EPB41L3: variants seen among roughly 807,000 people sequenced by gnomAD.
EPB41L3 encodes band 4.1-like protein 3.
EPB41L3 carries 57 observed loss-of-function variants against 127.1 expected under a neutral mutation model. The ratio of observed to expected loss-of-function variants is 0.45; its 90% CI spans 0.36 to 0.56. The LOEUF is 0.56. EPB41L3 is among the 20% of genes least tolerant of loss of function. The probability of loss-of-function intolerance (pLI) is 0.00; values close to 1 mark genes in which losing one functional copy is unlikely to be tolerated. For missense variants in EPB41L3, 1,273 were observed against 1,372.2 expected (o/e 0.93, Z 1.14); for synonymous variants, 572 against 549.5 (o/e 1.04, Z -0.57).
At chr18:5,570,767 G>A (rs778518150) in intron 3 of EPB41L3, 3 of 151,972 alleles carry the variant, frequency 2.0e-5, no homozygotes, top group Non-Finnish European at 4.4e-5. Flanking sequence ...CCATTCTTAT[G>A]TTGGGAACTT....
At chr18:5,538,917 A>C (rs1318829865) in intron 1 of EPB41L3, among the ~76,000 whole-genome samples, 1 of 152,196 alleles carries the variant, frequency 6.6e-6, no homozygotes, top group Non-Finnish European at 1.5e-5. Flanking sequence ...CACGCCATTA[A>C]AAATAATGAC....
At chr18:5,552,717 GT>G (rs1226391550) in intron 3 of EPB41L3, among the ~76,000 whole-genome samples, 1 of 149,364 alleles carries the variant, frequency 6.7e-6, no homozygotes. Flanking sequence ...TATTGTTCCA[GT>G]TAAATAACTT....
At chr18:5,573,782 A>G (rs2094308012) in intron 3 of EPB41L3, among the ~76,000 whole-genome samples, 1 of 152,194 alleles carries the variant, frequency 6.6e-6, no homozygotes, top group Non-Finnish European at 1.5e-5. Context: ...GCTTACACAA[A>G]TAAGAAAAAA....
chr18:5,544,959 T>A (rs1198535323), upstream of EPB41L3, among the ~76,000 whole-genome samples: 2 of 152,326 alleles, frequency 1.3e-5, no homozygotes, highest in South Asian at 2.1e-4. Context: ...TAAATTTTTT[T>A]AATTTTTAAA....
intron 16 of EPB41L3, among the ~76,000 whole-genome samples, chr18:5,405,803 C>CA (rs1337500892): frequency 3.3e-4 from 31 of 93,178 alleles, no homozygotes; most frequent in African/African-American, 1.2e-3. Context: ...CAAACAAAAA[C>CA]AAAAAAAACT....
At chr18:5,585,014 T>A (rs1178467587) in intron 3 of EPB41L3, among the ~76,000 whole-genome samples, 1 of 152,086 alleles carries the variant, frequency 6.6e-6, no homozygotes, top group Non-Finnish European at 1.5e-5. Flanking sequence ...AAAATTAACA[T>A]AATGATCTTT....
chr18:5,427,960 T>C (rs2078447520), intron 9 of EPB41L3, among the ~76,000 whole-genome samples: 1 of 152,168 alleles, frequency 6.6e-6, no homozygotes. Context: ...TTAGCCAGGA[T>C]GGTCTCGATC....
chr18:5,472,184 G>C (rs2086268382), intron 3 of EPB41L3, among the ~76,000 whole-genome samples: 1 of 152,140 alleles, frequency 6.6e-6, no homozygotes, highest in South Asian at 2.1e-4. Flanking sequence ...TAAACAGTCT[G>C]TTTTAATGAA....
chr18:5,625,905 T>C (rs999203477), intron 1 of EPB41L3, among the ~76,000 whole-genome samples: 4 of 151,952 alleles, frequency 2.6e-5, no homozygotes, highest in African/African-American at 4.8e-5. Context: ...GCTTTCTCTC[T>C]CTTTTTATTT....
intron 22 of EPB41L3, 90 bp downstream of exon 22, chr18:5,394,587 G>A (rs2073015835): frequency 3.2e-6 from 3 of 926,338 alleles, no homozygotes; most frequent in Non-Finnish European, 5.1e-6. Context: ...GAGAACAGAG[G>A]AAAGGAGGGA....
chr18:5,629,278 G>A (rs1037561894), upstream of EPB41L3, among the ~76,000 whole-genome samples: 1 of 152,064 alleles, frequency 6.6e-6, no homozygotes, highest in African/African-American at 2.4e-5. Flanking sequence ...GAGAGGAGCC[G>A]GCAGCGCGGA....
intron 3 of EPB41L3, among the ~76,000 whole-genome samples, chr18:5,589,575 T>C (rs2094468331): frequency 6.6e-6 from 1 of 152,218 alleles, no homozygotes; most frequent in Non-Finnish European, 1.5e-5. Context: ...AAATCTGTTA[T>C]AAAAAGAAAA....
intron 3 of EPB41L3, among the ~76,000 whole-genome samples, chr18:5,551,301 T>C (rs1319856865): frequency 6.6e-6 from 1 of 152,206 alleles, no homozygotes; most frequent in African/African-American, 2.4e-5. Context: ...TCAGCAAATT[T>C]CCACTTCTCT....
At chr18:5,464,789 G>A (rs1052237977) in intron 3 of EPB41L3, among the ~76,000 whole-genome samples, 1 of 152,178 alleles carries the variant, frequency 6.6e-6, no homozygotes, top group African/African-American at 2.4e-5. Context: ...TACTAAGTAA[G>A]AAATCAGAAG....
At chr18:5,557,312 A>G (rs1252737118) in intron 3 of EPB41L3, among the ~76,000 whole-genome samples, 1 of 152,206 alleles carries the variant, frequency 6.6e-6, no homozygotes, top group Non-Finnish European at 1.5e-5. Flanking sequence ...TTTTCCTAAC[A>G]TGTTTTTTTC....
At chr18:5,540,343 G>T in intron 1 of EPB41L3, 2 of 985,038 alleles carry the variant, frequency 2.0e-6, no homozygotes, top group Non-Finnish European at 2.4e-6. Context: ...ACAATACCTC[G>T]CAATGCAGTT....
intron 3 of EPB41L3, among the ~76,000 whole-genome samples, chr18:5,592,811 G>A (rs1382344259): frequency 2.0e-5 from 3 of 152,208 alleles, no homozygotes; most frequent in African/African-American, 4.8e-5. Flanking sequence ...GGACCTGTGG[G>A]GGCCTGGAAA....
Position 5,423,409 on chromosome 18 carries a change from T to C in EPB41L3, c.1308A>G (p.Lys436=), listed in dbSNP as rs746165870. The part of the protein sequence containing the change: ...PAPYFERSSS[K]RYTMSRSLDG... The stretch of plus-strand genomic sequence containing the variant: ...CCAAGCTGCGAGACATGGTATAACG[T>C]TTGCTGGATGAGCGTTCAAAGTAAG... The change falls in exon 11 of 23, where the codon AAA becomes AAG. Residue 436 remains lysine, a synonymous_variant. Transcript: ENST00000341928. 4.3e-6 allele frequency: 7 copies of C among 1,612,580 alleles called. No individual in the cohort carries two copies. Among genetic ancestry groups the C allele is most frequent in the African/African-American group, 2.7e-5 (2 of 74,874 alleles).
At chr18:5,601,230 G>C (rs2094587420) in intron 3 of EPB41L3, among the ~76,000 whole-genome samples, 1 of 152,152 alleles carries the variant, frequency 6.6e-6, no homozygotes, top group African/African-American at 2.4e-5. Flanking sequence ...TAAGTCTTGA[G>C]ACTCTTAATG....
Sources: gnomAD v4.1 joint callset for allele counts (sites outside exome capture counted in the v4.1 genomes callset) on GRCh38, gnomAD v4.1.1 for gene constraint, MANE v1.5 for transcripts, NCBI Gene and HGNC (gene_info 2026-07-23, HGNC 2026-07-21) for gene names.